Variants in NRG2 observed in about 807,000 individuals in gnomAD.
NRG2 encodes the protein pro-neuregulin-2, membrane-bound isoform.
A neutral mutation model predicts 73.9 loss-of-function variants in NRG2; 27 were observed. The observed-to-expected ratio is 0.37, with a 90% confidence interval of 0.27 to 0.50. The LOEUF (loss-of-function observed/expected upper bound fraction) is 0.50, where lower values mean the gene tolerates loss of function less well. Among genes scored for constraint, NRG2 ranks in the 20% least tolerant of loss-of-function variants. The pLI is 0.96. For missense variants in NRG2, 1,126 were observed against 1,210.1 expected, an observed-to-expected ratio of 0.93 and a Z score of 1.03; for synonymous variants, 532 against 541.0, an observed-to-expected ratio of 0.98 and a Z score of 0.23.
chr5:139,933,245 A>C (rs1049240721), intron 1 of NRG2, among the ~76,000 whole-genome samples: 1 of 152,194 alleles, frequency 6.6e-6, no homozygotes, highest in East Asian at 1.9e-4. Context: ...ATTGCACTCC[A>C]GCCTGGCTGA....
At chr5:139,849,794 C>T (rs1761287978) in intron 9 of NRG2, among the ~76,000 whole-genome samples, 2 of 152,228 alleles carry the variant, frequency 1.3e-5, no homozygotes, top group African/African-American at 4.8e-5. Flanking sequence ...AGCACACTCT[C>T]CACCCCATCC....
At chr5:139,946,576 A>G (rs1191377799) in intron 1 of NRG2, among the ~76,000 whole-genome samples, 1 of 151,624 alleles carries the variant, frequency 6.6e-6, no homozygotes, top group East Asian at 1.9e-4. Flanking sequence ...TTTGTTGGAT[A>G]TGACACTTAA....
rs78430047 is a variant in NRG2 at position 139,918,230 on chromosome 5, C to T, written c.701-30719G>A. 2.0e-4 allele frequency among the ~76,000 whole-genome samples: 31 copies of T among 152,146 alleles called. No homozygotes were observed. In the East Asian group the frequency reaches 4.4e-3, roughly 22 times the overall value. On this transcript the variant is annotated intron_variant, in intron 1 of 9. Coordinates refer to ENST00000361474, the MANE Select transcript of NRG2 (RefSeq NM_004883.3). ...CTGAGTTAGAGGATATAACTAGGCT[C>T]GGATAGAACTAGTCTAGGCAATGGA... is the stretch of plus-strand genomic sequence containing the variant.
rs773079845 is a variant in NRG2 at position 140,042,556 on chromosome 5, C to T, written c.514G>A (p.Gly172Arg). ...ATCACCTGCTCGCGCTGCAGCCCCC[C>T]GCTCCGGAGCGGCCACTTGTCCAGC... ...KVLDKWPLRS[G>R]GLQREQVISV... Residue 172 changes from glycine (G) to arginine (R), a missense_variant, in exon 1 of 10, where the codon GGG (glycine) becomes AGG (arginine). Coordinates refer to ENST00000361474, the MANE Select transcript of NRG2 (RefSeq NM_004883.3). 1 of 1,611,794 alleles carries T rather than the reference C, an allele frequency of 6.2e-7. No individual in the cohort carries two copies. Among genetic ancestry groups the T allele is most frequent in the Non-Finnish European group, 8.5e-7 (1 of 1,178,856 alleles).
rs766099475 is a variant in NRG2 at position 139,852,952 on chromosome 5, A to G, written c.1368T>C (p.Asn456=). 6.2e-7 allele frequency: 1 copy of G among 1,611,424 alleles called. No homozygotes were observed. The highest frequency in any genetic ancestry group is 1.1e-5 in the South Asian group (1 of 90,650). The change falls in exon 7 of 10, where the codon AAT becomes AAC. Residue 456 remains asparagine, a synonymous_variant. Coordinates refer to ENST00000361474, the MANE Select transcript of NRG2 (RefSeq NM_004883.3). The surrounding 1 kb of genome is among the most constrained non-coding windows in gnomAD (Gnocchi z 4.4). ...CPAHQNRSLA[N]GPSHPRLDPE... is the part of the protein sequence containing the mutation. ...GGTCCAGCCGGGGGTGGCTGGGCCC[A>G]TTGGCCAAGCTCCGGTTCTGATGGG... is the stretch of plus-strand genomic sequence containing the variant.
chr5:139,895,521 T>C (rs1764493795), intron 1 of NRG2, among the ~76,000 whole-genome samples: 1 of 152,142 alleles, frequency 6.6e-6, no homozygotes. Context: ...CTGGCACGGA[T>C]GAGGCACAGA....
intron 1 of NRG2, among the ~76,000 whole-genome samples, chr5:140,029,306 C>T (rs1220260990): frequency 6.6e-6 from 1 of 152,172 alleles, no homozygotes; most frequent in East Asian, 1.9e-4. Flanking sequence ...GAGTCACATA[C>T]CCATCCGAAT....
intron 1 of NRG2, among the ~76,000 whole-genome samples, chr5:139,960,747 A>C (rs2126498816): frequency 6.6e-6 from 1 of 152,328 alleles, no homozygotes; most frequent in Middle Eastern, 3.4e-3. Flanking sequence ...TAGGGAAGAA[A>C]GAATAAACAG....
At chr5:139,910,987 G>A (rs1252587079) in intron 1 of NRG2, among the ~76,000 whole-genome samples, 1 of 152,068 alleles carries the variant, frequency 6.6e-6, no homozygotes, top group Non-Finnish European at 1.5e-5. Context: ...AGCATTGGCC[G>A]AAGAGAAGGT....
intron 1 of NRG2, among the ~76,000 whole-genome samples, chr5:140,011,106 A>G (rs1325174658): frequency 6.6e-6 from 1 of 152,222 alleles, no homozygotes; most frequent in Non-Finnish European, 1.5e-5. Flanking sequence ...CTTGTTACAA[A>G]GAGTAAAGAC....
At chr5:139,989,688 T>G (rs1421224585) in intron 1 of NRG2, among the ~76,000 whole-genome samples, 2 of 151,970 alleles carry the variant, frequency 1.3e-5, no homozygotes, top group South Asian at 4.1e-4. Flanking sequence ...CTGTGTAATA[T>G]TCCACTGTAG....
intron 1 of NRG2, among the ~76,000 whole-genome samples, chr5:140,000,668 C>T (rs1329845114): frequency 6.6e-6 from 1 of 152,238 alleles, no homozygotes; most frequent in Non-Finnish European, 1.5e-5. Flanking sequence ...ACTCTGTCGG[C>T]TCTCTTCGGA....
intron 1 of NRG2, among the ~76,000 whole-genome samples, chr5:140,024,304 G>C (rs1760491914): frequency 6.6e-6 from 1 of 151,572 alleles, no homozygotes; most frequent in African/African-American, 2.4e-5. Context: ...GCCCAGGCTG[G>C]AGTGCAGTGG....
chr5:139,943,598 G>A (rs1308288004), intron 1 of NRG2, among the ~76,000 whole-genome samples: 2 of 152,120 alleles, frequency 1.3e-5, no homozygotes, highest in Non-Finnish European at 2.9e-5. Context: ...TGCTCTTTTA[G>A]CATGTCTATA....
Position 139,887,505 on chromosome 5 carries a change from C to T in NRG2, c.707G>A (p.Arg236Gln), listed in dbSNP as rs146573130. 1.8e-4 allele frequency: 284 copies of T among 1,613,948 alleles called. No homozygotes were observed. In the African/African-American group the frequency reaches 3.3e-3, roughly 19 times the overall value. Residue 236 changes from arginine to glutamine, a missense_variant, in exon 2 of 10, where the codon CGG becomes CAG. Arg to Gln is a conservative substitution (Grantham distance 43, BLOSUM62 1). This residue lies in a region of NRG2 where 539 missense variants were observed against 703.2 expected (regional missense o/e 0.77). Transcript: ENST00000361474. This position sits in a 1 kb window ranked among gnomAD's most constrained non-coding sequence, Gnocchi z 4.5. Reference sequence around the variant, plus strand: ...GCTCTTCATCTTCTTCAACTTGGGCCGGGTGGCTGTGGGTTACAAGGCAGG... The same window carrying T: ...GCTCTTCATCTTCTTCAACTTGGGCTGGGTGGCTGTGGGTTACAAGGCAGG... ...GKILCTDCATRPKLKKMKSQT... is the reference protein window; with the variant it reads ...GKILCTDCATQPKLKKMKSQT...
intron 1 of NRG2, among the ~76,000 whole-genome samples, chr5:139,944,125 G>A (rs1753614948): frequency 6.6e-6 from 1 of 151,714 alleles, no homozygotes; most frequent in Non-Finnish European, 1.5e-5. Flanking sequence ...AATGGAAGAA[G>A]CAAAAGTATC....
In NRG2 at chr5:139,853,049, G is replaced by A. The variant is rs201031001; in HGVS notation, c.1293-22C>T. On this transcript the variant is annotated intron_variant, in intron 6 of 9. Coordinates refer to ENST00000361474, the MANE Select transcript of NRG2 (RefSeq NM_004883.3). The surrounding 1 kb of genome is among the most constrained non-coding windows in gnomAD (Gnocchi z 4.1). ...TTTTCTGCACAAGGGAAGGGAAGGT[G>A]AGGCTGGCATTCCCCCCACTCGCCA... 1.2e-6 allele frequency: 2 copies of A among 1,612,568 alleles called. No individual in the cohort carries two copies. Among genetic ancestry groups the A allele is most frequent in the African/African-American group, 2.7e-5 (2 of 74,808 alleles).
rs1204297335 is a variant in NRG2, at chr5:139,856,446, G to C, written c.1190-668C>G. The C allele has an allele frequency of 6.6e-6, 1 of 152,630 alleles. No individual in the cohort carries two copies. Among genetic ancestry groups the C allele is most frequent in the Non-Finnish European group, 1.5e-5 (1 of 68,374 alleles). 9.5% of individuals were successfully genotyped at this position (152,630 alleles called of 1,614,324 possible). On this transcript the variant is annotated intron_variant, in intron 5 of 9. Coordinates refer to ENST00000361474, the MANE Select transcript of NRG2 (RefSeq NM_004883.3). The surrounding 1 kb of genome is among the most constrained non-coding windows in gnomAD (Gnocchi z 4.2). Reference sequence around the variant, plus strand: ...AGGCCGACTGTCCTCTTTACCCTCTGCTGCTGCTGCTGGGGCAACCCCCAT... The same window carrying C: ...AGGCCGACTGTCCTCTTTACCCTCTCCTGCTGCTGCTGGGGCAACCCCCAT...
At chr5:139,926,001 C>T (rs1013538048) in intron 1 of NRG2, among the ~76,000 whole-genome samples, 1 of 152,234 alleles carries the variant, frequency 6.6e-6, no homozygotes, top group African/African-American at 2.4e-5. Flanking sequence ...AACTCAGCCC[C>T]CTGCCACATG....
Sources: allele counts gnomAD v4.1 joint callset (sites outside exome capture counted in the v4.1 genomes callset), GRCh38; gene constraint gnomAD v4.1.1; regional missense constraint gnomAD v4.1.1; non-coding constraint Gnocchi (gnomAD v3.1); transcripts MANE v1.5; gene names NCBI Gene and HGNC (gene_info 2026-07-23, HGNC 2026-07-21).